Variants in EPHA3 observed in about 807,000 individuals in gnomAD.
EPHA3 encodes the protein EPH receptor A3.
EPHA3 carries 42 observed loss-of-function variants against 107.1 expected under a neutral mutation model. The ratio of observed to expected loss-of-function variants is 0.39; its 90% confidence interval spans 0.31 to 0.51. The LOEUF (loss-of-function observed/expected upper bound fraction) is 0.51, where lower values mean the gene tolerates loss of function less well. Ranked by LOEUF, EPHA3 falls within the 20% of genes least tolerant of loss-of-function variation. The pLI, the probability that EPHA3 is intolerant of heterozygous loss-of-function variation, is 0.78. For missense variants in EPHA3, 1,183 were observed against 1,211.2 expected (o/e 0.98, Z 0.35); for synonymous variants, 461 against 424.8 (o/e 1.09, Z -1.05).
At chr3:89,338,035 A>C (rs1171284605) in intron 3 of EPHA3, among the ~76,000 whole-genome samples, 1 of 152,212 alleles carries the variant, frequency 6.6e-6, no homozygotes, top group Non-Finnish European at 1.5e-5. Flanking sequence ...TTGTATTTGT[A>C]CATCTTGTTA....
chr3:89,201,336 G>A (rs1286015657), intron 2 of EPHA3, among the ~76,000 whole-genome samples: 5 of 152,150 alleles, frequency 3.3e-5, no homozygotes, highest in Admixed American at 2.6e-4. Flanking sequence ...ACCATTCACC[G>A]TGAGAGTTAG....
At chr3:89,319,692 G>A (rs370420597) in intron 3 of EPHA3, among the ~76,000 whole-genome samples, 9 of 151,796 alleles carry the variant, frequency 5.9e-5, no homozygotes, top group African/African-American at 1.2e-4. Flanking sequence ...GCCTTTTATC[G>A]TTTGTGCAAA....
chr3:89,479,679 A>G lies in EPHA3; in HGVS notation c.*177A>G. 1.7e-5 allele frequency: 9 copies of G among 534,864 alleles called. No homozygotes were observed. In the South Asian group the frequency reaches 2.8e-4, roughly 17 times the overall value. The allele number at this position is 534,864 out of a possible 1,614,324, so 33.1% of individuals were successfully genotyped here. A position where few individuals can be genotyped will look rare whatever the true frequency, so the allele number is the denominator to read the frequency against. The stretch of plus-strand genomic sequence containing the variant: ...GAAAAACTCTTTATTTTCCCCTATC[A>G]TTTATTGGATGGGTGGGTGGGGTAT... On this transcript the variant is annotated 3_prime_UTR_variant, in exon 17 of 17. Coordinates refer to ENST00000336596, the MANE Select transcript of EPHA3 (RefSeq NM_005233.6).
chr3:89,349,961 T>C (rs1707769286), intron 5 of EPHA3, among the ~76,000 whole-genome samples: 1 of 149,812 alleles, frequency 6.7e-6, no homozygotes, highest in Non-Finnish European at 1.5e-5. Flanking sequence ...CTCTTCTGGC[T>C]TGTAGGGTTT....
At chr3:89,136,389 A>C (rs1379211335) in intron 2 of EPHA3, among the ~76,000 whole-genome samples, 1 of 137,610 alleles carries the variant, frequency 7.3e-6, no homozygotes, top group African/African-American at 2.7e-5. Context: ...ACTCTGAAAA[A>C]AAAAAGGGAA....
chr3:89,127,431 T>C (rs1467990985), intron 2 of EPHA3, among the ~76,000 whole-genome samples, 158 bp downstream of exon 2: 1 of 152,052 alleles, frequency 6.6e-6, no homozygotes, highest in African/African-American at 2.4e-5. Flanking sequence ...GCTTGACATT[T>C]GTGTCCAATG....
intron 3 of EPHA3, among the ~76,000 whole-genome samples, chr3:89,290,319 A>T (rs1576292171): frequency 6.6e-6 from 1 of 152,130 alleles, no homozygotes; most frequent in African/African-American, 2.4e-5. Flanking sequence ...TGCCAAACTT[A>T]CTCTGATATA....
At chr3:89,334,832 A>G (rs1707359442) in intron 3 of EPHA3, among the ~76,000 whole-genome samples, 1 of 152,190 alleles carries the variant, frequency 6.6e-6, no homozygotes, top group South Asian at 2.1e-4. Flanking sequence ...ACACCTATTT[A>G]ATAGGAAAAG....
At chr3:89,241,489 T>C (rs145043996) in intron 3 of EPHA3, among the ~76,000 whole-genome samples, 7 of 152,332 alleles carry the variant, frequency 4.6e-5, no homozygotes, top group East Asian at 3.9e-4. Context: ...ATAACATTTC[T>C]ACTATTGTGT....
At chr3:89,236,195 T>C (rs868320451) in intron 3 of EPHA3, among the ~76,000 whole-genome samples, 7 of 152,190 alleles carry the variant, frequency 4.6e-5, no homozygotes, top group Non-Finnish European at 8.8e-5. Context: ...GACATTATCA[T>C]CTTGAGTAAA....
At chr3:89,349,912 A>T (rs1483344130) in intron 5 of EPHA3, among the ~76,000 whole-genome samples, 1 of 147,120 alleles carries the variant, frequency 6.8e-6, no homozygotes, top group East Asian at 2.0e-4. Flanking sequence ...CTGGGTTGAA[A>T]ATTCTTTTCT....
At chr3:89,177,959 T>C (rs1705354996) in intron 2 of EPHA3, among the ~76,000 whole-genome samples, 1 of 152,172 alleles carries the variant, frequency 6.6e-6, no homozygotes, top group Admixed American at 6.5e-5. Context: ...AAAGCAAAAA[T>C]ATAATGTCTA....
At position 89,481,173 on chromosome 3, in the gene EPHA3, G is replaced by A. The variant is rs558513800; in HGVS notation, c.*1671G>A. ...TTAATGTTCTTATGCAAAATGGAACGCTAATGAAACACAGCTTACAATCGC... is the reference window on the plus strand; with the variant it reads ...TTAATGTTCTTATGCAAAATGGAACACTAATGAAACACAGCTTACAATCGC... On this transcript the variant is annotated 3_prime_UTR_variant, in exon 17 of 17. Coordinates refer to ENST00000336596, the MANE Select transcript of EPHA3 (RefSeq NM_005233.6). 14 of 232,112 alleles carry A rather than the reference G, an allele frequency of 6.0e-5. No homozygotes were observed. The highest frequency in any genetic ancestry group is 1.8e-4 in the East Asian group (3 of 16,366). 14.4% of individuals were successfully genotyped at this position (232,112 alleles called of 1,614,324 possible).
At chr3:89,401,202 T>C (rs1018393328) in intron 7 of EPHA3, among the ~76,000 whole-genome samples, 1 of 152,212 alleles carries the variant, frequency 6.6e-6, no homozygotes, top group African/African-American at 2.4e-5. Flanking sequence ...ACACTTTCTG[T>C]CGGACAATTA....
intron 3 of EPHA3, among the ~76,000 whole-genome samples, chr3:89,214,604 A>T (rs1341288582): frequency 6.6e-6 from 1 of 151,704 alleles, no homozygotes; most frequent in Non-Finnish European, 1.5e-5. Context: ...CTAAAGAGAC[A>T]TTTTTTTTGT....
intron 2 of EPHA3, among the ~76,000 whole-genome samples, chr3:89,204,052 C>A (rs1313051114): frequency 6.6e-6 from 1 of 152,074 alleles, no homozygotes; most frequent in Non-Finnish European, 1.5e-5. Flanking sequence ...GAGGTATGCC[C>A]AATATTGGTG....
In EPHA3 at chr3:89,466,552, G is replaced by A. The variant is rs1371641176; in HGVS notation, c.2691-5912G>A. Reference sequence around the variant, plus strand: ...CTTGTGGTGCGCCGTTTCTTAAGCCGGTCTGAAAAGCGCAATATTCGGGTG... The same window carrying A: ...CTTGTGGTGCGCCGTTTCTTAAGCCAGTCTGAAAAGCGCAATATTCGGGTG... On this transcript the variant is annotated intron_variant, in intron 15 of 16. Coordinates refer to ENST00000336596, the MANE Select transcript of EPHA3 (RefSeq NM_005233.6). Among the ~76,000 whole-genome samples, 10 of 132,374 alleles carry A rather than the reference G, an allele frequency of 7.6e-5. 2 individuals are homozygous for A. Among genetic ancestry groups the A allele is most frequent in the Non-Finnish European group, 1.5e-4 (9 of 60,970 alleles). 86.8% of individuals were successfully genotyped at this position (132,374 alleles called of 152,430 possible).
intron 7 of EPHA3, among the ~76,000 whole-genome samples, chr3:89,402,925 G>A (rs1257326103): frequency 2.0e-5 from 3 of 152,156 alleles, no homozygotes; most frequent in Non-Finnish European, 4.4e-5. Context: ...TAATCCGACT[G>A]CCTTGGCCTT....
At chr3:89,303,795 G>A (rs1196295016) in intron 3 of EPHA3, among the ~76,000 whole-genome samples, 1 of 152,056 alleles carries the variant, frequency 6.6e-6, no homozygotes, top group Non-Finnish European at 1.5e-5. Flanking sequence ...CAGAAAGAAA[G>A]CAAGTGACTT....
Sources: allele counts gnomAD v4.1 joint callset (sites outside exome capture counted in the v4.1 genomes callset), GRCh38; gene constraint gnomAD v4.1.1; transcripts MANE v1.5; gene names NCBI Gene and HGNC (gene_info 2026-07-23, HGNC 2026-07-21).